VPS50: variants seen among roughly 807,000 people sequenced by gnomAD.
The protein encoded by VPS50 is VPS50 subunit of EARP/GARPII complex.
Under a neutral mutation model 139.7 loss-of-function variants are expected in VPS50, and 70 were observed. The observed-to-expected ratio is 0.50, with a 90% CI of 0.41 to 0.61. The LOEUF (loss-of-function observed/expected upper bound fraction) is 0.61, where lower values mean the gene tolerates loss of function less well. Ranked by LOEUF, VPS50 falls within the 20% of genes least tolerant of loss-of-function variation. VPS50 has a pLI of 0.00. For synonymous variants in VPS50, 365 were observed against 376.7 expected, an observed-to-expected ratio of 0.97 and a Z score of 0.36; for missense variants, 921 against 1,133.7, an observed-to-expected ratio of 0.81 and a Z score of 2.69.
chr7:93,289,833 T>A (rs1050884602), intron 12 of VPS50, among the ~76,000 whole-genome samples: 2 of 152,028 alleles, frequency 1.3e-5, no homozygotes, highest in East Asian at 3.9e-4. Context: ...TGAGACCAGA[T>A]CTTTTTCTGT....
chr7:93,288,962 C>A (rs1796571305), intron 12 of VPS50, among the ~76,000 whole-genome samples: 1 of 152,042 alleles, frequency 6.6e-6, no homozygotes. Flanking sequence ...GATGTTGGAA[C>A]AAACAGTACA....
At chr7:93,317,061 G>A (rs1797450127) in intron 20 of VPS50, among the ~76,000 whole-genome samples, 1 of 152,224 alleles carries the variant, frequency 6.6e-6, no homozygotes, top group African/African-American at 2.4e-5. Flanking sequence ...AGTCAGTGAA[G>A]AAGGTCATGA....
chr7:93,282,021 G>A (rs1796342797), intron 12 of VPS50, among the ~76,000 whole-genome samples: 2 of 151,982 alleles, frequency 1.3e-5, no homozygotes, highest in South Asian at 2.1e-4. Context: ...TGGCTAACAC[G>A]GTGAAACCCT....
intron 2 of VPS50, among the ~76,000 whole-genome samples, chr7:93,251,545 A>G (rs1334901287): frequency 6.6e-6 from 1 of 152,114 alleles, no homozygotes; most frequent in Non-Finnish European, 1.5e-5. Flanking sequence ...GAGGGATAGC[A>G]TTAGGAGAAA....
At chr7:93,262,609 C>A (rs1341445258) in intron 9 of VPS50, among the ~76,000 whole-genome samples, 2 of 152,138 alleles carry the variant, frequency 1.3e-5, no homozygotes. Context: ...CCAAGAAATT[C>A]TTTGTAATGG....
chr7:93,355,834 A>G, intron 26 of VPS50, 57 bp from the exon 27 acceptor site: 1 of 1,043,310 alleles, frequency 9.6e-7, no homozygotes, highest in Non-Finnish European at 1.4e-6. Context: ...AATACCTGAC[A>G]GTTTTTTGTT....
intron 12 of VPS50, among the ~76,000 whole-genome samples, chr7:93,284,553 A>G (rs1043756978): frequency 3.3e-5 from 5 of 152,230 alleles, no homozygotes; most frequent in Non-Finnish European, 5.9e-5. Flanking sequence ...GTGTATATAC[A>G]TATTTAGCAT....
rs765747842 is a variant in VPS50, at chr7:93,355,941, T to C, written c.2636T>C (p.Leu879Ser). 1 of 1,605,282 alleles carries C rather than the reference T, an allele frequency of 6.2e-7. No homozygotes were observed. The highest frequency in any genetic ancestry group is 8.5e-7 in the Non-Finnish European group (1 of 1,173,346). ...AATGAGGGTCGTGCCCTGATGCAAT[T>C]GGATTTTCAACAGTTTTTAATGAAA... Reference protein sequence around the residue: ...CSNEGRALMQLDFQQFLMKLE... With the variant: ...CSNEGRALMQSDFQQFLMKLE... The change falls in exon 27 of 28, where the codon TTG (leucine) becomes TCG (serine). Residue 879 changes from leucine (L) to serine (S), a missense_variant. Coordinates refer to ENST00000305866, the MANE Select transcript of VPS50 (RefSeq NM_017667.4).
At chr7:93,319,620 A>G (rs1797540738) in intron 20 of VPS50, among the ~76,000 whole-genome samples, 1 of 152,104 alleles carries the variant, frequency 6.6e-6, no homozygotes, top group African/African-American at 2.4e-5. Flanking sequence ...TGTTTCCTTG[A>G]TCCAGAATTT....
chr7:93,349,983 G>A lies in VPS50; in HGVS notation c.2413G>A (p.Val805Ile), dbSNP rs1798511183. 7 of 1,612,902 alleles carry A rather than the reference G, an allele frequency of 4.3e-6. No homozygotes were observed. The East Asian group carries it at 8.9e-5, about 21-fold the overall frequency. Residue 805 changes from valine (V) to isoleucine (I), a missense_variant, in exon 25 of 28, where the codon GTA becomes ATA. Val to Ile is a conservative substitution (Grantham distance 29). This residue lies in a region of VPS50 where 19 missense variants were observed against 46.8 expected (regional missense o/e 0.41). Transcript: ENST00000305866. ...LLLMANVKWD[V>I]KEIMSQHNIY... The stretch of plus-strand genomic sequence containing the variant: ...TCTCATGGCTAATGTGAAATGGGAT[G>A]TAAAAGAAATTATGTCACAGCACAA...
chr7:93,352,725 T>C (rs1241237090), intron 25 of VPS50, among the ~76,000 whole-genome samples: 4 of 152,186 alleles, frequency 2.6e-5, no homozygotes, highest in Non-Finnish European at 4.4e-5. Context: ...CCTTCTGCTC[T>C]TTCCGTCTAA....
chr7:93,236,690 A>G (rs1794810374), intron 1 of VPS50, among the ~76,000 whole-genome samples: 1 of 146,672 alleles, frequency 6.8e-6, no homozygotes. Flanking sequence ...AAGATAAAAT[A>G]AGAATGACTT....
intron 20 of VPS50, among the ~76,000 whole-genome samples, chr7:93,312,840 C>A (rs1489894745): frequency 6.6e-6 from 1 of 152,114 alleles, no homozygotes; most frequent in Non-Finnish European, 1.5e-5. Context: ...CTTGTCCTCA[C>A]TGATAGAAAT....
At chr7:93,305,472 A>G (rs1562878048) in intron 17 of VPS50, among the ~76,000 whole-genome samples, 1 of 151,946 alleles carries the variant, frequency 6.6e-6, no homozygotes, top group Non-Finnish European at 1.5e-5. Flanking sequence ...GTTTTCATAA[A>G]TGACTTTATT....
At chr7:93,331,282 C>G (rs532166900) in intron 21 of VPS50, among the ~76,000 whole-genome samples, 12 of 141,980 alleles carry the variant, frequency 8.5e-5, no homozygotes, top group Middle Eastern at 3.8e-3. Context: ...AAAATTGATA[C>G]AAAAAGCAAA....
intron 22 of VPS50, among the ~76,000 whole-genome samples, chr7:93,334,667 A>T (rs993170196): frequency 2.6e-4 from 40 of 152,128 alleles, no homozygotes; most frequent in African/African-American, 9.2e-4. Flanking sequence ...CACTTTATAA[A>T]CGGCTTTGAA....
At chr7:93,343,349 A>G (rs1261366175) in intron 23 of VPS50, among the ~76,000 whole-genome samples, 2 of 152,224 alleles carry the variant, frequency 1.3e-5, no homozygotes, top group African/African-American at 4.8e-5. Flanking sequence ...GACCAAATCT[A>G]CGTCTGATTG....
chr7:93,312,513 A>G (rs889936051), intron 20 of VPS50, among the ~76,000 whole-genome samples: 2 of 152,184 alleles, frequency 1.3e-5, no homozygotes, highest in Admixed American at 6.6e-5. Flanking sequence ...TAGTAGAAGT[A>G]TCTTCCCTAA....
chr7:93,308,018 T>C (rs1423910012), intron 18 of VPS50, among the ~76,000 whole-genome samples: 1 of 151,958 alleles, frequency 6.6e-6, no homozygotes, highest in Non-Finnish European at 1.5e-5. Flanking sequence ...AGATAATTCA[T>C]GAAAGCACTT....
Sources: gnomAD v4.1 joint callset for allele counts (sites outside exome capture counted in the v4.1 genomes callset) on GRCh38, gnomAD v4.1.1 for gene constraint, gnomAD v4.1.1 regional missense constraint, MANE v1.5 for transcripts, NCBI Gene and HGNC (gene_info 2026-07-23, HGNC 2026-07-21) for gene names.